Variants in MACROH2A1 observed in about 807,000 individuals in gnomAD.
The protein encoded by MACROH2A1 is core histone macro-H2A.1.
In MACROH2A1, 2 loss-of-function variants were observed where a neutral mutation model predicts 31.6. The ratio of observed to expected loss-of-function variants is 0.06; its 90% CI spans 0.03 to 0.20. The LOEUF (loss-of-function observed/expected upper bound fraction) is 0.20. Ranked by LOEUF, MACROH2A1 falls within the 10% of genes least tolerant of loss-of-function variation. The probability of loss-of-function intolerance (pLI) is 1.00; values close to 1 mark genes in which losing one functional copy is unlikely to be tolerated. For synonymous variants in MACROH2A1, 169 were observed against 189.6 expected, an observed-to-expected ratio of 0.89 and a Z score of 0.89; for missense variants, 230 against 474.0, an observed-to-expected ratio of 0.49 and a Z score of 4.78.
At chr5:135,390,056 C>T (rs569217268) in intron 1 of MACROH2A1, among the ~76,000 whole-genome samples, 4 of 152,238 alleles carry the variant, frequency 2.6e-5, no homozygotes, top group Non-Finnish European at 5.9e-5. Flanking sequence ...ACATGTCCAG[C>T]TTTGCCTTGG....
chr5:135,386,927 C>A (rs1478402287), intron 2 of MACROH2A1, among the ~76,000 whole-genome samples: 1 of 152,226 alleles, frequency 6.6e-6, no homozygotes, highest in East Asian at 1.9e-4. Flanking sequence ...GAGCCAGGGG[C>A]TGCCTGGGTT....
At chr5:135,364,467 G>A (rs1209212114) in intron 4 of MACROH2A1, among the ~76,000 whole-genome samples, 1 of 152,126 alleles carries the variant, frequency 6.6e-6, no homozygotes, top group Non-Finnish European at 1.5e-5. Context: ...AATCTACTAA[G>A]TGGTAGATTA....
rs73294507 is a variant in MACROH2A1, at chr5:135,370,636, G to A, written c.173-494C>T. On this transcript the variant is annotated intron_variant, in intron 2 of 8. Coordinates refer to ENST00000511689, the MANE Select transcript of MACROH2A1 (RefSeq NM_138610.3). The stretch of plus-strand genomic sequence containing the variant: ...ATGCTGAATGCCTGCACATCTGGAT[G>A]CAAAACTGGAAGGATGTGACTGGAT... Among the ~76,000 whole-genome samples the A allele has an allele frequency of 5.4e-3, 826 of 152,300 alleles. 8 individuals are homozygous for A. The highest frequency in any genetic ancestry group is 0.018 in the African/African-American group (762 of 41,552).
chr5:135,383,700 GGTGTGTGTGTGTGTGT>G (rs61338247), intron 2 of MACROH2A1, among the ~76,000 whole-genome samples: 130 of 137,224 alleles, frequency 9.5e-4, no homozygotes, highest in African/African-American at 2.5e-3. Flanking sequence ...GATGTGGTGT[GGTGTGTGTGTGTGTGT>G]GTGTGTGTGT....
chr5:135,343,463 G>A, intron 7 of MACROH2A1, 29 bp from the exon 8 acceptor site: 2 of 1,610,536 alleles, frequency 1.2e-6, no homozygotes, highest in East Asian at 2.2e-5. Context: ...AACAGAAACA[G>A]TGAGCTCTGG....
At chr5:135,396,766 G>A (rs969257511) in intron 1 of MACROH2A1, among the ~76,000 whole-genome samples, 14 of 152,116 alleles carry the variant, frequency 9.2e-5, no homozygotes, top group East Asian at 7.7e-4. Context: ...TCTTAATCAC[G>A]GCTGTGTCCC....
At chr5:135,385,375 T>C (rs980661313) in intron 2 of MACROH2A1, among the ~76,000 whole-genome samples, 1 of 152,142 alleles carries the variant, frequency 6.6e-6, no homozygotes, top group African/African-American at 2.4e-5. Flanking sequence ...CACCACAGCT[T>C]TTCTCTTGCC....
At chr5:135,391,200 T>C (rs1767190146) in intron 1 of MACROH2A1, among the ~76,000 whole-genome samples, 1 of 152,258 alleles carries the variant, frequency 6.6e-6, no homozygotes, top group Non-Finnish European at 1.5e-5. Context: ...TTGGGTTTCC[T>C]AGCAGTCTTT....
At chr5:135,375,955 C>T (rs766353251) in intron 2 of MACROH2A1, among the ~76,000 whole-genome samples, 3 of 152,166 alleles carry the variant, frequency 2.0e-5, no homozygotes, top group Non-Finnish European at 2.9e-5. Context: ...ACAACCTCCT[C>T]CAATTCCCTT....
At chr5:135,349,383 C>T (rs749491882) in intron 6 of MACROH2A1, among the ~76,000 whole-genome samples, 11 of 152,118 alleles carry the variant, frequency 7.2e-5, no homozygotes, top group Non-Finnish European at 1.5e-4. Context: ...CTCTTTAACT[C>T]CTCCAAAGTC....
At chr5:135,394,126 C>A (rs1042207594) in intron 1 of MACROH2A1, among the ~76,000 whole-genome samples, 2 of 152,186 alleles carry the variant, frequency 1.3e-5, no homozygotes, top group Non-Finnish European at 2.9e-5. Context: ...AACCAAAGTG[C>A]CATGGAGGCC....
At chr5:135,353,141 A>T in intron 5 of MACROH2A1, 96 bp from the exon 6 acceptor site, 1 of 777,250 alleles carries the variant, frequency 1.3e-6, no homozygotes, top group South Asian at 1.5e-5. Context: ...GGACACTCCA[A>T]GTGCACGAGG....
intron 5 of MACROH2A1, chr5:135,358,507 G>A: frequency 3.0e-6 from 3 of 985,292 alleles, no homozygotes; most frequent in Non-Finnish European, 3.6e-6. Flanking sequence ...TAAAAAGGGG[G>A]TGATATGGGA....
At chr5:135,385,289 A>C (rs747458573) in intron 2 of MACROH2A1, among the ~76,000 whole-genome samples, 4 of 152,242 alleles carry the variant, frequency 2.6e-5, no homozygotes, top group Non-Finnish European at 5.9e-5. Context: ...CTGGTTAACA[A>C]GCATTCTCCA....
At chr5:135,376,332 G>A (rs957345063) in intron 2 of MACROH2A1, among the ~76,000 whole-genome samples, 5 of 152,180 alleles carry the variant, frequency 3.3e-5, no homozygotes, top group African/African-American at 9.7e-5. Flanking sequence ...AGATGGAAAT[G>A]CAGCTTAATT....
chr5:135,342,796 T>C (rs556681695), intron 8 of MACROH2A1, among the ~76,000 whole-genome samples: 4 of 152,222 alleles, frequency 2.6e-5, no homozygotes, highest in Non-Finnish European at 5.9e-5. Flanking sequence ...GGAGGTGAAA[T>C]ATACTTGTGA....
intron 5 of MACROH2A1, chr5:135,360,278 C>T: frequency 1.7e-6 from 1 of 576,504 alleles, no homozygotes. Context: ...TCTTTTTTAC[C>T]ACTGTCTCCC....
chr5:135,376,713 C>T (rs1325802438), intron 2 of MACROH2A1, among the ~76,000 whole-genome samples: 1 of 152,154 alleles, frequency 6.6e-6, no homozygotes, highest in Non-Finnish European at 1.5e-5. Flanking sequence ...CTATTCTGTA[C>T]AGGGGGAGTG....
intron 8 of MACROH2A1, among the ~76,000 whole-genome samples, chr5:135,341,916 G>A (rs1331928253): frequency 6.6e-6 from 1 of 152,204 alleles, no homozygotes; most frequent in Non-Finnish European, 1.5e-5. Flanking sequence ...GTGCTGGGAG[G>A]GGCTGATGGG....
Sources: gnomAD v4.1 joint callset for allele counts (sites outside exome capture counted in the v4.1 genomes callset) on GRCh38, gnomAD v4.1.1 for gene constraint, MANE v1.5 for transcripts, NCBI Gene and HGNC (gene_info 2026-07-23, HGNC 2026-07-21) for gene names.